Variants in PACS1 observed in about 807,000 individuals in gnomAD.
The protein encoded by PACS1 is phosphofurin acidic cluster sorting protein 1, also known as PACS-1.
In PACS1, 24 loss-of-function variants were observed where a neutral mutation model predicts 115.0. The ratio of observed to expected loss-of-function variants is 0.21; its 90% CI spans 0.15 to 0.29. PACS1 has a LOEUF of 0.29. Ranked by LOEUF, PACS1 falls within the 10% of genes least tolerant of loss-of-function variation. PACS1 has a pLI of 1.00. For missense variants in PACS1, 838 were observed against 1,251.2 expected (o/e 0.67, Z 4.98); for synonymous variants, 453 against 504.5 (o/e 0.90, Z 1.37).
intron 1 of PACS1, among the ~76,000 whole-genome samples, chr11:66,191,398 A>G (rs1416928105): frequency 6.6e-6 from 1 of 152,024 alleles, no homozygotes. Flanking sequence ...CCATATTCAC[A>G]GGTTTTGGGG....
intron 1 of PACS1, among the ~76,000 whole-genome samples, chr11:66,150,163 A>T (rs938865720): frequency 6.6e-6 from 1 of 152,234 alleles, no homozygotes; most frequent in East Asian, 1.9e-4. Context: ...ACTTTATTAA[A>T]GACATATAAA....
chr11:66,211,095 G>T, intron 3 of PACS1, 39 bp from the exon 4 acceptor site: 1 of 1,610,054 alleles, frequency 6.2e-7, no homozygotes, highest in Non-Finnish European at 8.5e-7. Context: ...GGACCCAGCT[G>T]CCCATTAACC....
chr11:66,189,225 CA>C (rs142575246), intron 1 of PACS1, among the ~76,000 whole-genome samples: 1 of 151,218 alleles, frequency 6.6e-6, no homozygotes, highest in Non-Finnish European at 1.5e-5. Flanking sequence ...TGAAAACAAA[CA>C]AAAAAAAATC....
At position 66,233,204 on chromosome 11, in the gene PACS1, GT is replaced by G. The variant is rs1855635997; in HGVS notation, c.1838+139del. ...TGCAGAGGGGCGTATGTTTAGGGGG[GT>G]GGCGGCAGCAGGCTGTAGGGCTTGA... On this transcript the variant is annotated intron_variant, in intron 15 of 23. Coordinates refer to ENST00000320580, the MANE Select transcript of PACS1 (RefSeq NM_018026.4). This position sits in a 1 kb window ranked among gnomAD's most constrained non-coding sequence, Gnocchi z 4.5. 1 of 633,166 alleles carries G rather than the reference GT, an allele frequency of 1.6e-6. No individual in the cohort carries two copies. The allele number at this position is 633,166 out of a possible 1,614,324, so 39.2% of individuals were successfully genotyped here.
chr11:66,114,631 C>A (rs1260543956), intron 1 of PACS1, among the ~76,000 whole-genome samples: 1 of 151,992 alleles, frequency 6.6e-6, no homozygotes, highest in Non-Finnish European at 1.5e-5. Context: ...TAGGGTCTTT[C>A]ATTTCTTATT....
intron 2 of PACS1, among the ~76,000 whole-genome samples, chr11:66,193,780 A>G (rs573524397): frequency 8.5e-5 from 13 of 152,204 alleles, no homozygotes; most frequent in South Asian, 6.2e-4. Context: ...CTTCAAACCT[A>G]TCTTTGTCTG....
At chr11:66,111,571 C>T (rs1858186838) in intron 1 of PACS1, among the ~76,000 whole-genome samples, 1 of 152,218 alleles carries the variant, frequency 6.6e-6, no homozygotes, top group African/African-American at 2.4e-5. Flanking sequence ...CTAATTGTCC[C>T]CACCTCAGTC....
At chr11:66,173,703 C>T (rs529929748) in intron 1 of PACS1, among the ~76,000 whole-genome samples, 3 of 151,876 alleles carry the variant, frequency 2.0e-5, no homozygotes, top group African/African-American at 7.2e-5. Context: ...GAGCGAAACT[C>T]CATCTCAAAA....
chr11:66,221,259 C>A lies in PACS1; in HGVS notation c.1293+12C>A, dbSNP rs751546766. 1.9e-6 allele frequency: 3 copies of A among 1,611,832 alleles called. No homozygotes were observed. Among genetic ancestry groups the A allele is most frequent in the Non-Finnish European group, 2.5e-6 (3 of 1,178,016 alleles). On this transcript the variant is annotated intron_variant, in intron 10 of 23. Transcript: ENST00000320580. ...ACACCACCAGCCCTGTGAGCGCAAC[C>A]GCGACTGCGGGGCGGGGTGGGACCG...
rs748076090 is a variant in PACS1 at position 66,211,123 on chromosome 11, G to C, written c.535-11G>C. 1 of 1,612,986 alleles carries C rather than the reference G, an allele frequency of 6.2e-7. No homozygotes were observed. Among genetic ancestry groups the C allele is most frequent in the African/African-American group, 1.3e-5 (1 of 74,902 alleles). ...CATTAACCACGCTCGACTCTGTTTT[G>C]TATTTCGTAGTACCCTCATTTCCTT... On this transcript the variant is annotated splice_polypyrimidine_tract_variant and intron_variant, in intron 3 of 23. Transcript: ENST00000320580.
intron 1 of PACS1, among the ~76,000 whole-genome samples, chr11:66,122,381 T>C (rs1858465287): frequency 6.6e-6 from 1 of 152,250 alleles, no homozygotes; most frequent in Non-Finnish European, 1.5e-5. Context: ...TTTTCATGCC[T>C]GTTAACCACA....
intron 1 of PACS1, among the ~76,000 whole-genome samples, chr11:66,095,811 G>T (rs1045442816): frequency 6.6e-6 from 1 of 152,150 alleles, no homozygotes; most frequent in Admixed American, 6.6e-5. Flanking sequence ...AGAGAGTCAC[G>T]TAGTTTTACA....
Position 66,162,949 on chromosome 11 carries a change from T to A in PACS1, c.357-30537T>A, listed in dbSNP as rs78495010. ...ATTTGGAAAATTTGAAGACTGAATATGGTTATTAAATTTGCCATTGGAGAA... is the reference window on the plus strand; with the variant it reads ...ATTTGGAAAATTTGAAGACTGAATAAGGTTATTAAATTTGCCATTGGAGAA... On this transcript the variant is annotated intron_variant, in intron 1 of 23. Coordinates refer to ENST00000320580, the MANE Select transcript of PACS1 (RefSeq NM_018026.4). 8.3e-3 allele frequency among the ~76,000 whole-genome samples: 1,268 copies of A among 152,328 alleles called. 87 individuals carry two copies. The East Asian group carries it at 0.17, about 21-fold the overall frequency.
chr11:66,081,096 G>A (rs1857468441), intron 1 of PACS1, among the ~76,000 whole-genome samples: 1 of 152,176 alleles, frequency 6.6e-6, no homozygotes, highest in East Asian at 1.9e-4. Flanking sequence ...AGCTGGGCTT[G>A]GTGGCACACG....
chr11:66,216,419 C>A, intron 5 of PACS1, 101 bp from the exon 6 acceptor site: 1 of 1,415,772 alleles, frequency 7.1e-7, no homozygotes, highest in Non-Finnish European at 9.9e-7. Context: ...TCCACCCTGG[C>A]TGTGTTTCCA....
chr11:66,120,300 T>C (rs1298806864), intron 1 of PACS1, among the ~76,000 whole-genome samples: 1 of 152,160 alleles, frequency 6.6e-6, no homozygotes, highest in African/African-American at 2.4e-5. Context: ...TTCACCATTA[T>C]TGGCCAGGCT....
At chr11:66,123,631 C>G (rs950598175) in intron 1 of PACS1, among the ~76,000 whole-genome samples, 1 of 152,056 alleles carries the variant, frequency 6.6e-6, no homozygotes, top group Admixed American at 6.5e-5. Context: ...ATGCCATTCT[C>G]CTGCCTCAGC....
chr11:66,226,007 A>G (rs1855463902), intron 10 of PACS1, among the ~76,000 whole-genome samples: 2 of 152,144 alleles, frequency 1.3e-5, no homozygotes, highest in African/African-American at 4.8e-5. Flanking sequence ...AGCTGTCTCT[A>G]CCAAAAATAC....
In PACS1 at chr11:66,182,469, C is replaced by CT. The variant is rs369090815; in HGVS notation, c.357-11006dup. ...TCGGGAAGAAAATTTAGTTGCTTTGCTTTTTTTTTTTCTTGAGACATGGTC... is the reference window on the plus strand; with the variant it reads ...TCGGGAAGAAAATTTAGTTGCTTTGCTTTTTTTTTTTTCTTGAGACATGGTC... On this transcript the variant is annotated intron_variant, in intron 1 of 23. Coordinates refer to ENST00000320580, the MANE Select transcript of PACS1 (RefSeq NM_018026.4). 8.1e-4 allele frequency among the ~76,000 whole-genome samples: 119 copies of CT among 146,228 alleles called. 1 individual carries two copies. The highest frequency in any genetic ancestry group is 5.6e-4 in the Non-Finnish European group (37 of 66,122).
Sources: allele counts gnomAD v4.1 joint callset (sites outside exome capture counted in the v4.1 genomes callset), GRCh38; gene constraint gnomAD v4.1.1; non-coding constraint Gnocchi (gnomAD v3.1); transcripts MANE v1.5; gene names NCBI Gene and HGNC (gene_info 2026-07-23, HGNC 2026-07-21).